Variants in RAB11FIP3 observed in about 807,000 individuals in gnomAD.
The protein encoded by RAB11FIP3 is rab11 family-interacting protein 3.
In RAB11FIP3, 17 loss-of-function variants were observed where a neutral mutation model predicts 77.8. The ratio of observed to expected loss-of-function variants is 0.22; its 90% CI spans 0.15 to 0.33. The LOEUF (loss-of-function observed/expected upper bound fraction) is 0.33, where lower values mean the gene tolerates loss of function less well. Ranked by LOEUF, RAB11FIP3 falls within the 10% of genes least tolerant of loss-of-function variation. RAB11FIP3 has a pLI of 1.00. For synonymous variants in RAB11FIP3, 437 were observed against 448.2 expected (o/e 0.98, Z 0.31); for missense variants, 1,005 against 1,011.2 (o/e 0.99, Z 0.08).
intron 6 of RAB11FIP3, among the ~76,000 whole-genome samples, chr16:500,687 CAA>C (rs56771770): frequency 2.2e-4 from 5 of 22,304 alleles, no homozygotes; most frequent in African/African-American, 7.5e-4. Flanking sequence ...GACTCTGTCG[CAA>C]AAAAAAAAAA....
At chr16:462,219 T>C (rs2055619066) in intron 2 of RAB11FIP3, among the ~76,000 whole-genome samples, 3 of 152,078 alleles carry the variant, frequency 2.0e-5, no homozygotes. Context: ...TAGTTTTGCC[T>C]ATCTCTCTTT....
chr16:455,736 C>G (rs1475994019), intron 1 of RAB11FIP3, among the ~76,000 whole-genome samples: 2 of 152,114 alleles, frequency 1.3e-5, no homozygotes, highest in African/African-American at 2.4e-5. Context: ...GCTGGAACTA[C>G]TGGCACGTGG....
intron 6 of RAB11FIP3, among the ~76,000 whole-genome samples, chr16:499,840 G>T (rs1036847136): frequency 6.7e-6 from 1 of 149,430 alleles, no homozygotes; most frequent in Non-Finnish European, 1.5e-5. Flanking sequence ...GTTATCTGTC[G>T]TTAGAGTTTA....
chr16:440,552 C>T (rs1374783471), intron 1 of RAB11FIP3, among the ~76,000 whole-genome samples: 10 of 152,224 alleles, frequency 6.6e-5, no homozygotes. Flanking sequence ...GGCCAGCTGG[C>T]ATCTTAATTT....
At chr16:492,691 C>T (rs1363252804) in intron 5 of RAB11FIP3, among the ~76,000 whole-genome samples, 1 of 152,170 alleles carries the variant, frequency 6.6e-6, no homozygotes, top group Admixed American at 6.6e-5. Flanking sequence ...AGAGACTTGC[C>T]CTCCCACTCA....
intron 6 of RAB11FIP3, among the ~76,000 whole-genome samples, chr16:501,217 AC>A (rs1368528845): frequency 2.0e-5 from 3 of 152,228 alleles, no homozygotes; most frequent in African/African-American, 7.2e-5. Context: ...TGGAATTCTT[AC>A]TCTGCTACGT....
chr16:442,188 C>T (rs1047020666), intron 1 of RAB11FIP3, among the ~76,000 whole-genome samples: 5 of 152,084 alleles, frequency 3.3e-5, no homozygotes, highest in Admixed American at 6.6e-5. Flanking sequence ...CAGGCCGGAG[C>T]GCAGTGGCTG....
At chr16:430,017 G>A (rs2055011467) in intron 1 of RAB11FIP3, among the ~76,000 whole-genome samples, 1 of 152,052 alleles carries the variant, frequency 6.6e-6, no homozygotes, top group African/African-American at 2.4e-5. Context: ...TAGATCAGGT[G>A]TAGTGTAATA....
chr16:515,808 T>C (rs974791180), intron 9 of RAB11FIP3, among the ~76,000 whole-genome samples: 2 of 151,984 alleles, frequency 1.3e-5, no homozygotes, highest in Non-Finnish European at 2.9e-5. Flanking sequence ...ACATGAAGGC[T>C]CAGAAGTGGG....
chr16:498,520 C>A (rs1192614359), intron 6 of RAB11FIP3, among the ~76,000 whole-genome samples: 1 of 152,024 alleles, frequency 6.6e-6, no homozygotes, highest in Non-Finnish European at 1.5e-5. Context: ...CTTTTCTTGG[C>A]TTTCTTTTCT....
chr16:484,600 G>A (rs944843866), intron 4 of RAB11FIP3, among the ~76,000 whole-genome samples: 70 of 152,310 alleles, frequency 4.6e-4, no homozygotes, highest in Middle Eastern at 3.4e-3. Context: ...CGATCCGCCC[G>A]CCTCGGCCTC....
rs1397710423 is a variant in RAB11FIP3, at chr16:510,651, C to T, written c.1500-9C>T. On this transcript the variant is annotated splice_polypyrimidine_tract_variant and intron_variant, in intron 8 of 13. Transcript: ENST00000262305. ...GGAGACAGCTCAGCTCCTCCCTTTGCCTTTCAAGAGCAAACGCCCTGGAGG... is the reference window on the plus strand; with the variant it reads ...GGAGACAGCTCAGCTCCTCCCTTTGTCTTTCAAGAGCAAACGCCCTGGAGG... The T allele has an allele frequency of 6.3e-7, 1 of 1,594,272 alleles. No homozygotes were observed. The highest frequency in any genetic ancestry group is 2.3e-5 in the East Asian group (1 of 43,880).
intron 3 of RAB11FIP3, among the ~76,000 whole-genome samples, chr16:480,286 C>CAAAAAAAAGAAAA (rs752259728): frequency 1.5e-4 from 12 of 80,024 alleles, no homozygotes; most frequent in East Asian, 1.1e-3. Context: ...ACTCCTTCTC[C>CAAAAAAAAGAAAA]AAAAAAAAAA....
At chr16:482,445 C>T (rs1471338394) in intron 3 of RAB11FIP3, 80 bp from the exon 4 acceptor site, 4 of 1,333,608 alleles carry the variant, frequency 3.0e-6, no homozygotes, top group South Asian at 1.2e-5. Flanking sequence ...CTCTCCAGGG[C>T]CTTGCAGCAG....
At chr16:488,240 C>G (rs376889241) in intron 4 of RAB11FIP3, among the ~76,000 whole-genome samples, 3 of 152,014 alleles carry the variant, frequency 2.0e-5, no homozygotes, top group Non-Finnish European at 4.4e-5. Flanking sequence ...ATTAGCCGGG[C>G]GTGGTGGCGG....
intron 2 of RAB11FIP3, among the ~76,000 whole-genome samples, chr16:463,050 C>T (rs1045128782): frequency 2.0e-5 from 3 of 152,152 alleles, no homozygotes; most frequent in South Asian, 2.1e-4. Context: ...AGGAGTGGGT[C>T]ATGTGCTGGG....
intron 1 of RAB11FIP3, among the ~76,000 whole-genome samples, chr16:429,989 A>C (rs1011968422): frequency 4.6e-5 from 7 of 152,172 alleles, no homozygotes; most frequent in African/African-American, 1.7e-4. Flanking sequence ...GTTTGGATCT[A>C]ATTACGTCAT....
At chr16:488,260 G>A in intron 4 of RAB11FIP3, among the ~76,000 whole-genome samples, 1 of 152,034 alleles carries the variant, frequency 6.6e-6, no homozygotes, top group Non-Finnish European at 1.5e-5. Flanking sequence ...GGCGCCTGTA[G>A]TCCCAGCTAC....
chr16:450,666 A>G (rs1596209224), intron 1 of RAB11FIP3, among the ~76,000 whole-genome samples: 2 of 152,126 alleles, frequency 1.3e-5, no homozygotes, highest in African/African-American at 2.4e-5. Flanking sequence ...CAGGGAAGGG[A>G]CCGAGGATCT....
Sources: gnomAD v4.1 joint callset for allele counts (sites outside exome capture counted in the v4.1 genomes callset) on GRCh38, gnomAD v4.1.1 for gene constraint, MANE v1.5 for transcripts, NCBI Gene and HGNC (gene_info 2026-07-23, HGNC 2026-07-21) for gene names.